The following SLC30A9 variants were observed in gnomAD, a reference collection of about 807,000 sequenced individuals.
SLC30A9 encodes the protein proton-coupled zinc antiporter SLC30A9, mitochondrial.
In SLC30A9, 58 loss-of-function variants were observed where a neutral mutation model predicts 87.5. The ratio of observed to expected loss-of-function variants is 0.66; its 90% CI spans 0.54 to 0.82. The LOEUF is 0.82. SLC30A9 is among the 40% of genes least tolerant of loss of function. The probability of loss-of-function intolerance (pLI) is 0.00; values close to 1 mark genes in which losing one functional copy is unlikely to be tolerated. For synonymous variants in SLC30A9, 234 were observed against 233.0 expected (o/e 1.00, Z -0.04); for missense variants, 557 against 679.1 (o/e 0.82, Z 2.00).
chr4:42,088,624 T>A lies in SLC30A9; in HGVS notation c.*2498T>A, dbSNP rs1189390730. 1 of 151,826 alleles carries A rather than the reference T, an allele frequency of 6.6e-6. No homozygotes were observed. The highest frequency in any genetic ancestry group is 2.4e-5 in the African/African-American group (1 of 41,172). The allele number at this position is 151,826 out of a possible 1,614,324, so 9.4% of individuals were successfully genotyped here. On this transcript the variant is annotated 3_prime_UTR_variant, in exon 18 of 18. Coordinates refer to ENST00000264451, the MANE Select transcript of SLC30A9 (RefSeq NM_006345.4). ...AAGAGCAAGAGGCGGGGATTGGGGG[T>A]AGGTGCCACACTCTTGTAAACAACC...
chr4:42,015,764 C>T (rs1048126257), intron 2 of SLC30A9, among the ~76,000 whole-genome samples: 8 of 152,154 alleles, frequency 5.3e-5, no homozygotes, highest in African/African-American at 1.9e-4. Flanking sequence ...TTCTCCTCAA[C>T]TATTGTGTCC....
At chr4:41,991,049 A>C (rs1714415400) in intron 1 of SLC30A9, among the ~76,000 whole-genome samples, 1 of 152,244 alleles carries the variant, frequency 6.6e-6, no homozygotes, top group Non-Finnish European at 1.5e-5. Flanking sequence ...ACAAAATGTT[A>C]CGTGCGCATC....
Position 42,065,322 on chromosome 4 carries a change from T to G in SLC30A9, c.1045T>G (p.Leu349Val), listed in dbSNP as rs148360466. ...ATTTCTTTTCTAGGCATATTGTATT[T>G]TAGCAGGATCATTAGTATCTGAAGG... Reference protein sequence around the residue: ...IESLLWAYCILAGSLVSEGAT... With the variant: ...IESLLWAYCIVAGSLVSEGAT... The change falls in exon 12 of 18, where the codon TTA (leucine) becomes GTA (valine). Residue 349 changes from leucine (L) to valine (V), a missense_variant. Coordinates refer to ENST00000264451, the MANE Select transcript of SLC30A9 (RefSeq NM_006345.4). 1 of 1,368,750 alleles carries G rather than the reference T, an allele frequency of 7.3e-7. No homozygotes were observed. Among genetic ancestry groups the G allele is most frequent in the African/African-American group, 1.4e-5 (1 of 70,406 alleles). 84.8% of individuals were successfully genotyped at this position (1,368,750 alleles called of 1,614,324 possible). A position where few individuals can be genotyped will look rare whatever the true frequency, so the allele number is the denominator to read the frequency against.
At chr4:42,081,853 T>C (rs1475079932) in intron 17 of SLC30A9, among the ~76,000 whole-genome samples, 2 of 152,236 alleles carry the variant, frequency 1.3e-5, no homozygotes, top group African/African-American at 4.8e-5. Context: ...TTTTGAATTA[T>C]GTAAGTCTTT....
At position 42,090,042 on chromosome 4, in the gene SLC30A9, G is replaced by T. The variant is rs1258995699; in HGVS notation, c.*3916G>T. 3 of 152,232 alleles carry T rather than the reference G, an allele frequency of 2.0e-5. No homozygotes were observed. The highest frequency in any genetic ancestry group is 4.4e-5 in the Non-Finnish European group (3 of 68,038). The allele number at this position is 152,232 out of a possible 1,614,324, so 9.4% of individuals were successfully genotyped here. A position where few individuals can be genotyped will look rare whatever the true frequency, so the allele number is the denominator to read the frequency against. On this transcript the variant is annotated 3_prime_UTR_variant, in exon 18 of 18. Coordinates refer to ENST00000264451, the MANE Select transcript of SLC30A9 (RefSeq NM_006345.4). ...GTCTCGTAACTTTTTGAGGAAGAAT[G>T]CTGGGAACTACAGAAAACTGCATAG...
At chr4:41,994,939 A>T (rs907336296) in intron 1 of SLC30A9, among the ~76,000 whole-genome samples, 1 of 151,730 alleles carries the variant, frequency 6.6e-6, no homozygotes, top group Non-Finnish European at 1.5e-5. Context: ...TCTTAGTCTG[A>T]TTAAGAGAGC....
At chr4:42,026,952 G>GT (rs1298915622) in intron 6 of SLC30A9, among the ~76,000 whole-genome samples, 19 of 151,884 alleles carry the variant, frequency 1.3e-4, no homozygotes, top group African/African-American at 3.1e-4. Flanking sequence ...ATTCTGTGGG[G>GT]TTTTTTTTGT....
At chr4:42,066,487 G>A in intron 12 of SLC30A9, 63 bp from the exon 13 acceptor site, 2 of 998,168 alleles carry the variant, frequency 2.0e-6, no homozygotes, top group Non-Finnish European at 3.1e-6. Context: ...CTTTTGAGAT[G>A]CCATCTTTAA....
At chr4:42,076,034 C>G (rs1718537280) in intron 16 of SLC30A9, among the ~76,000 whole-genome samples, 2 of 151,852 alleles carry the variant, frequency 1.3e-5, no homozygotes, top group South Asian at 4.2e-4. Flanking sequence ...CCTCAACAAC[C>G]CTGTTATTTC....
In SLC30A9 at chr4:42,039,037, A is replaced by G. The variant is rs1716807556; in HGVS notation, c.721A>G (p.Met241Val). Residue 241 changes from methionine (M) to valine (V), a missense_variant, in exon 8 of 18, where the codon ATG becomes GTG. Transcript: ENST00000264451. Reference sequence around the variant, plus strand: ...TTTTAAGGGACCAGGAAAAGTGGTGATGGTTGCAATTTGCATGTAAGTACT... The same window carrying G: ...TTTTAAGGGACCAGGAAAAGTGGTGGTGGTTGCAATTTGCATGTAAGTACT... Reference protein sequence around the residue: ...VFFKGPGKVVMVAICINGLNC... With the variant: ...VFFKGPGKVVVVAICINGLNC... 2 of 1,612,802 alleles carry G rather than the reference A, an allele frequency of 1.2e-6. No individual in the cohort carries two copies. The highest frequency in any genetic ancestry group is 2.7e-5 in the African/African-American group (2 of 75,042).
intron 12 of SLC30A9, 85 bp downstream of exon 12, chr4:42,065,434 T>C: frequency 1.2e-6 from 1 of 803,750 alleles, no homozygotes; most frequent in Non-Finnish European, 2.1e-6. Context: ...CTAAGTTCTG[T>C]TGATTAAAGA....
At position 42,001,799 on chromosome 4, in the gene SLC30A9, A is replaced by G; in HGVS notation, c.274+19A>G. 2 of 1,576,124 alleles carry G rather than the reference A, an allele frequency of 1.3e-6. No homozygotes were observed. Among genetic ancestry groups the G allele is most frequent in the Non-Finnish European group, 8.7e-7 (1 of 1,156,026 alleles). On this transcript the variant is annotated intron_variant, in intron 2 of 17. Transcript: ENST00000264451. ...GAAACAGGTATGTGTAATTTTTTTA[A>G]TGTACTTTTTTCTGTATACTGGAAT...
chr4:42,079,445 C>A (rs1483237895), intron 17 of SLC30A9, among the ~76,000 whole-genome samples: 1 of 151,934 alleles, frequency 6.6e-6, no homozygotes, highest in Admixed American at 6.6e-5. Flanking sequence ...AGGTGCCTGC[C>A]ACCATGCCCA....
At chr4:42,070,244 G>T in intron 14 of SLC30A9, 2 of 263,694 alleles carry the variant, frequency 7.6e-6, no homozygotes, top group African/African-American at 2.2e-5. Flanking sequence ...TTTTTGTATT[G>T]GTGTCTCTAA....
intron 7 of SLC30A9, among the ~76,000 whole-genome samples, chr4:42,035,974 A>G (rs907519329): frequency 1.4e-4 from 22 of 152,300 alleles, no homozygotes; most frequent in South Asian, 2.1e-4. Context: ...CTCTGGTTCA[A>G]CATTCAGACT....
At chr4:42,038,575 G>A (rs528029764) in intron 7 of SLC30A9, among the ~76,000 whole-genome samples, 148 of 152,278 alleles carry the variant, frequency 9.7e-4, no homozygotes, top group Non-Finnish European at 1.8e-3. Flanking sequence ...TAAAAGTTGA[G>A]ATCACATGGA....
chr4:42,029,683 G>T (rs1577695060), intron 6 of SLC30A9: 4 of 753,604 alleles, frequency 5.3e-6, no homozygotes, highest in Admixed American at 1.8e-5. Flanking sequence ...GAGTGGCTGG[G>T]AAATTGCTCT....
rs552013390 is a variant in SLC30A9 at position 42,018,128 on chromosome 4, G to C, written c.292G>C (p.Glu98Gln). 2 of 1,560,708 alleles carry C rather than the reference G, an allele frequency of 1.3e-6. No homozygotes were observed. Among genetic ancestry groups the C allele is most frequent in the East Asian group, 2.3e-5 (1 of 44,314 alleles). ...SFETAEGIGT[E>Q]LKAPLKQEPL... is the part of the protein sequence containing the mutation. ...CTTTACAGCAGAAGGTATAGGCACA[G>C]AACTCAAAGCTCCACTTAAGCAAGA... Residue 98 changes from glutamate to glutamine, a missense_variant, in exon 3 of 18, where the codon GAA (glutamate) becomes CAA (glutamine). Physicochemically the swap from Glu to Gln is conservative, Grantham distance 29. Coordinates refer to ENST00000264451, the MANE Select transcript of SLC30A9 (RefSeq NM_006345.4).
At chr4:42,027,465 C>CT (rs71198701) in intron 6 of SLC30A9, among the ~76,000 whole-genome samples, 95,288 of 147,152 alleles carry the variant, frequency 0.65, 34,193 homozygotes, top group East Asian at 0.96. Context: ...TGTACATGAC[C>CT]TTTTTTTTTT....
Sources: gnomAD v4.1 joint callset for allele counts (sites outside exome capture counted in the v4.1 genomes callset) on GRCh38, gnomAD v4.1.1 for gene constraint, MANE v1.5 for transcripts, NCBI Gene and HGNC (gene_info 2026-07-23, HGNC 2026-07-21) for gene names.